The following PSMB7 variants were observed in gnomAD, a reference collection of about 807,000 sequenced individuals.
PSMB7 encodes proteasome 20S subunit beta 7.
A neutral mutation model predicts 28.1 loss-of-function variants in PSMB7; 5 were observed. The ratio of observed to expected loss-of-function variants is 0.18; its 90% confidence interval spans 0.09 to 0.37. The LOEUF is 0.37. PSMB7 is among the 10% of genes least tolerant of loss of function. The pLI, the probability that PSMB7 is intolerant of heterozygous loss-of-function variation, is 1.00. For missense variants in PSMB7, 275 were observed against 346.2 expected (o/e 0.79, Z 1.63); for synonymous variants, 122 against 123.7 (o/e 0.99, Z 0.09).
intron 2 of PSMB7, 32 bp downstream of exon 2, chr9:124,414,810 G>C (rs868392416): frequency 1.3e-6 from 2 of 1,581,260 alleles, no homozygotes; most frequent in South Asian, 2.2e-5. Flanking sequence ...TGCCGGTTCA[G>C]TCACTGCTGC....
intron 2 of PSMB7, among the ~76,000 whole-genome samples, chr9:124,414,265 T>C (rs977082256): frequency 3.3e-5 from 5 of 152,254 alleles, no homozygotes; most frequent in African/African-American, 1.2e-4. Context: ...GTAAATTCCT[T>C]GTAAATCAGA....
At chr9:124,371,834 C>A (rs1830566156) in intron 6 of PSMB7, among the ~76,000 whole-genome samples, 1 of 152,194 alleles carries the variant, frequency 6.6e-6, no homozygotes, top group Admixed American at 6.5e-5. Context: ...CTGAATCTAG[C>A]TCTCACCTCT....
intron 6 of PSMB7, among the ~76,000 whole-genome samples, chr9:124,376,826 G>A (rs973195460): frequency 2.0e-5 from 3 of 152,224 alleles, no homozygotes; most frequent in African/African-American, 7.2e-5. Flanking sequence ...CTTCCACTGA[G>A]TGTGTGACCT....
At chr9:124,404,709 C>T (rs1830945809) in intron 5 of PSMB7, among the ~76,000 whole-genome samples, 1 of 151,948 alleles carries the variant, frequency 6.6e-6, no homozygotes, top group Admixed American at 6.6e-5. Context: ...AAAAATTAGC[C>T]GGGCATGGTG....
intron 6 of PSMB7, among the ~76,000 whole-genome samples, chr9:124,381,316 A>C (rs1393002080): frequency 1.3e-5 from 2 of 152,240 alleles, no homozygotes; most frequent in Non-Finnish European, 2.9e-5. Context: ...TATTTGTTTT[A>C]ACGATAAAGC....
intron 4 of PSMB7, 142 bp downstream of exon 4, chr9:124,412,210 C>T (rs145731218): frequency 8.0e-4 from 705 of 881,920 alleles, no homozygotes; most frequent in Non-Finnish European, 1.1e-3. Context: ...TTTAAAATGG[C>T]TCTTTAATAT....
rs537973715 is a variant in PSMB7 at position 124,356,929 on chromosome 9, C to T, written c.571-14G>A. 66 of 1,613,870 alleles carry T rather than the reference C, an allele frequency of 4.1e-5. No homozygotes were observed. The Middle Eastern group carries it at 5.0e-4, about 12-fold the overall frequency. The stretch of plus-strand genomic sequence containing the variant: ...GGCTTCCTCCTCCTGAGAAACAGAA[C>T]GGCGGCAATAATGTCCCCGGCCAAA... On this transcript the variant is annotated splice_polypyrimidine_tract_variant and intron_variant, in intron 6 of 7. Transcript: ENST00000259457. This position sits in a 1 kb window ranked among gnomAD's most constrained non-coding sequence, Gnocchi z 4.4.
At chr9:124,405,277 G>T in intron 5 of PSMB7, 40 bp downstream of exon 5, 1 of 1,379,878 alleles carries the variant, frequency 7.2e-7, no homozygotes, top group Non-Finnish European at 1.0e-6. Flanking sequence ...ATCGTGGTAA[G>T]TAAGAGTACT....
At chr9:124,380,826 T>C (rs774850899) in intron 6 of PSMB7, among the ~76,000 whole-genome samples, 3 of 152,192 alleles carry the variant, frequency 2.0e-5, no homozygotes, top group Non-Finnish European at 4.4e-5. Flanking sequence ...AAAAAATTAA[T>C]AGAGCAGGTG....
At chr9:124,358,876 T>C (rs1436901868) in intron 6 of PSMB7, among the ~76,000 whole-genome samples, 1 of 152,260 alleles carries the variant, frequency 6.6e-6, no homozygotes, top group Non-Finnish European at 1.5e-5. Context: ...CGCTTAGGAC[T>C]GCACATTTAC....
chr9:124,408,873 A>G (rs1424820051), intron 4 of PSMB7, among the ~76,000 whole-genome samples: 1 of 152,142 alleles, frequency 6.6e-6, no homozygotes, highest in African/African-American at 2.4e-5. Context: ...GTTTTTTACA[A>G]TTATATTATT....
At chr9:124,376,246 T>A (rs1355593631) in intron 6 of PSMB7, among the ~76,000 whole-genome samples, 1 of 152,128 alleles carries the variant, frequency 6.6e-6, no homozygotes, top group African/African-American at 2.4e-5. Flanking sequence ...CATTACTAAA[T>A]CTGAAGAGGG....
intron 6 of PSMB7, among the ~76,000 whole-genome samples, chr9:124,363,455 C>T (rs1830480799): frequency 6.6e-6 from 1 of 152,254 alleles, no homozygotes; most frequent in Admixed American, 6.5e-5. Flanking sequence ...TGACGTATCC[C>T]ATGTATAGCC....
At chr9:124,412,275 C>T in intron 4 of PSMB7, 77 bp downstream of exon 4, 1 of 1,422,712 alleles carries the variant, frequency 7.0e-7, no homozygotes, top group East Asian at 2.3e-5. Flanking sequence ...TTGCTACTTT[C>T]CAGGCTTCTC....
chr9:124,409,860 T>C (rs186057802), intron 4 of PSMB7, among the ~76,000 whole-genome samples: 5 of 152,372 alleles, frequency 3.3e-5, no homozygotes, highest in African/African-American at 4.8e-5. Context: ...TCTCATTTTA[T>C]GTAACTCACC....
intron 5 of PSMB7, among the ~76,000 whole-genome samples, chr9:124,391,301 G>C (rs1457576446): frequency 6.6e-6 from 1 of 152,210 alleles, no homozygotes; most frequent in East Asian, 1.9e-4. Flanking sequence ...AGATCTTTCT[G>C]AATTTAAAGT....
At chr9:124,360,609 G>C (rs1048978968) in intron 6 of PSMB7, among the ~76,000 whole-genome samples, 1 of 152,246 alleles carries the variant, frequency 6.6e-6, no homozygotes, top group African/African-American at 2.4e-5. Flanking sequence ...TGGCCCTCCA[G>C]GCCAACAGCA....
At chr9:124,355,667 G>A (rs1024539147) in intron 7 of PSMB7, among the ~76,000 whole-genome samples, 17 of 152,176 alleles carry the variant, frequency 1.1e-4, no homozygotes, top group African/African-American at 3.1e-4. Context: ...CTAAAGGCCC[G>A]AGGGACTTCG....
intron 6 of PSMB7, among the ~76,000 whole-genome samples, chr9:124,378,921 C>T (rs1229648451): frequency 1.3e-5 from 2 of 152,144 alleles, no homozygotes; most frequent in African/African-American, 4.8e-5. Flanking sequence ...ACTAGTTTTC[C>T]TGTCCAGCTA....
Sources: gnomAD v4.1 joint callset for allele counts (sites outside exome capture counted in the v4.1 genomes callset) on GRCh38, gnomAD v4.1.1 for gene constraint, Gnocchi (gnomAD v3.1) non-coding constraint, MANE v1.5 for transcripts, NCBI Gene and HGNC (gene_info 2026-07-23, HGNC 2026-07-21) for gene names.